Variants in NCKAP5 observed in about 807,000 individuals in gnomAD.
The protein encoded by NCKAP5 is NCK associated protein 5.
A neutral mutation model predicts 167.0 loss-of-function variants in NCKAP5; 92 were observed. That is an observed-to-expected ratio of 0.55 (90% CI 0.47 to 0.66). The LOEUF (loss-of-function observed/expected upper bound fraction) is 0.66. Among genes scored for constraint, NCKAP5 ranks in the 30% least tolerant of loss-of-function variants. The probability of loss-of-function intolerance (pLI) is 0.00; values close to 1 mark genes in which losing one functional copy is unlikely to be tolerated. For synonymous variants in NCKAP5, 891 were observed against 877.4 expected (o/e 1.02, Z -0.27); for missense variants, 2,378 against 2,315.0 (o/e 1.03, Z -0.56).
intron 11 of NCKAP5, among the ~76,000 whole-genome samples, chr2:132,807,792 A>C (rs1344618081): frequency 6.6e-6 from 1 of 152,010 alleles, no homozygotes; most frequent in African/African-American, 2.4e-5. Context: ...TTCCAGTACT[A>C]TGCTGAAGGA....
At chr2:133,433,961 C>A (rs553903211) in intron 3 of NCKAP5, 31 of 152,226 alleles carry the variant, frequency 2.0e-4, no homozygotes, top group African/African-American at 7.2e-4. Context: ...GAAACCTGGG[C>A]AACTCATAAT....
chr2:133,625,661 G>C, the NCKAP5 span, among the ~76,000 whole-genome samples: 1 of 152,076 alleles, frequency 6.6e-6, no homozygotes, highest in African/African-American at 2.4e-5. Flanking sequence ...ACGAGGTCAG[G>C]AGATGGAGAC....
chr2:133,619,205 A>G, the NCKAP5 span, among the ~76,000 whole-genome samples: 20 of 145,646 alleles, frequency 1.4e-4, no homozygotes, highest in African/African-American at 4.8e-4. Context: ...ACCTAATGCT[A>G]GATGACGAGT....
intron 19 of NCKAP5, among the ~76,000 whole-genome samples, chr2:132,705,935 T>C (rs1688315349): frequency 6.6e-6 from 1 of 152,176 alleles, no homozygotes; most frequent in Non-Finnish European, 1.5e-5. Context: ...TTTATACTGC[T>C]TTTCCTCTCA....
At chr2:132,952,768 G>A (rs543560485) in intron 8 of NCKAP5, among the ~76,000 whole-genome samples, 5 of 152,178 alleles carry the variant, frequency 3.3e-5, no homozygotes, top group South Asian at 2.1e-4. Flanking sequence ...TGGAATGCAC[G>A]TATTTTTCTA....
intron 4 of NCKAP5, among the ~76,000 whole-genome samples, chr2:133,234,095 G>A (rs769498707): frequency 2.6e-5 from 4 of 152,162 alleles, no homozygotes; most frequent in Non-Finnish European, 4.4e-5. Flanking sequence ...AGGGAGGATC[G>A]CATGAGAGCT....
intron 3 of NCKAP5, among the ~76,000 whole-genome samples, chr2:133,361,383 A>G (rs1250605228): frequency 6.6e-6 from 1 of 152,224 alleles, no homozygotes; most frequent in African/African-American, 2.4e-5. Flanking sequence ...ATAGATCCTC[A>G]GGGATTTCCT....
At chr2:133,065,661 C>T (rs769543868) in intron 6 of NCKAP5, among the ~76,000 whole-genome samples, 1 of 151,930 alleles carries the variant, frequency 6.6e-6, no homozygotes, top group African/African-American at 2.4e-5. Flanking sequence ...TAGTTTACAC[C>T]CTCAGGGATA....
intron 5 of NCKAP5, among the ~76,000 whole-genome samples, chr2:133,200,771 T>A (rs79463234): frequency 0.026 from 3,944 of 152,222 alleles, 181 homozygotes; most frequent in African/African-American, 0.09. Context: ...AGCAGCCTTA[T>A]TTGTAATACG....
intron 11 of NCKAP5, among the ~76,000 whole-genome samples, chr2:132,801,832 T>A (rs763020828): frequency 6.6e-6 from 1 of 152,230 alleles, no homozygotes; most frequent in Non-Finnish European, 1.5e-5. Context: ...GGACTGACTG[T>A]CCTTTATCTG....
chr2:133,008,482 A>G (rs980052633), intron 6 of NCKAP5, among the ~76,000 whole-genome samples: 70 of 152,360 alleles, frequency 4.6e-4, no homozygotes, highest in African/African-American at 1.6e-3. Context: ...ATCTATAAAC[A>G]TGGAAAAGCA....
upstream of NCKAP5, among the ~76,000 whole-genome samples, chr2:133,572,236 G>T (rs1688893383): frequency 6.6e-6 from 1 of 152,200 alleles, no homozygotes; most frequent in Non-Finnish European, 1.5e-5. Flanking sequence ...ATGAACAGTG[G>T]TAACTTGGAA....
intron 8 of NCKAP5, among the ~76,000 whole-genome samples, chr2:132,961,417 A>G (rs2076508080): frequency 6.6e-6 from 1 of 151,990 alleles, no homozygotes; most frequent in Non-Finnish European, 1.5e-5. Flanking sequence ...TACCTGTTCA[A>G]GTAGAAGATA....
chr2:132,680,108 A>G (rs550546090), intron 19 of NCKAP5, among the ~76,000 whole-genome samples: 1 of 152,246 alleles, frequency 6.6e-6, no homozygotes, highest in African/African-American at 2.4e-5. Context: ...GAGTTGTGAT[A>G]TTAACCCTGT....
chr2:133,531,381 AT>A (rs1271169909), intron 2 of NCKAP5, among the ~76,000 whole-genome samples: 1 of 151,972 alleles, frequency 6.6e-6, no homozygotes, highest in Non-Finnish European at 1.5e-5. Flanking sequence ...AATTATTTAC[AT>A]TTTTTTCTAC....
At position 133,545,699 on chromosome 2, in the gene NCKAP5, T is replaced by G. The variant is rs117097219; in HGVS notation, c.-62+13351A>C. On this transcript the variant is annotated intron_variant, in intron 2 of 19. Coordinates refer to ENST00000409261, the MANE Select transcript of NCKAP5 (RefSeq NM_207363.3). Reference sequence around the variant, plus strand: ...ATCTACCTGGCCTAAGAAACAAAATTGAAACATTTTGAAGTTATGTGTGAG... The same window carrying G: ...ATCTACCTGGCCTAAGAAACAAAATGGAAACATTTTGAAGTTATGTGTGAG... Among the ~76,000 whole-genome samples the G allele has an allele frequency of 4.0e-4, 61 of 152,212 alleles. No individual in the cohort carries two copies. The East Asian group carries it at 0.011, about 27-fold the overall frequency.
At chr2:132,909,799 A>G (rs1694301397) in intron 8 of NCKAP5, among the ~76,000 whole-genome samples, 3 of 152,226 alleles carry the variant, frequency 2.0e-5, no homozygotes, top group Admixed American at 1.3e-4. Context: ...TGCTGTTTTC[A>G]CCATGTAACC....
At chr2:133,054,563 C>G (rs959663419) in intron 6 of NCKAP5, among the ~76,000 whole-genome samples, 1 of 152,120 alleles carries the variant, frequency 6.6e-6, no homozygotes, top group Non-Finnish European at 1.5e-5. Context: ...GTCAAGCTGG[C>G]TAATGTCCTA....
intron 3 of NCKAP5, among the ~76,000 whole-genome samples, chr2:133,357,288 GACACACACACACACACACACAC>G (rs10635907): frequency 7.1e-6 from 1 of 140,190 alleles, no homozygotes; most frequent in African/African-American, 2.6e-5. Context: ...CACATACACA[GACACACACACACACACACACAC>G]ACACACACAC....
Sources: gnomAD v4.1 joint callset for allele counts (sites outside exome capture counted in the v4.1 genomes callset) on GRCh38, gnomAD v4.1.1 for gene constraint, MANE v1.5 for transcripts, NCBI Gene and HGNC (gene_info 2026-07-23, HGNC 2026-07-21) for gene names.